The following GRK3 variants were observed in gnomAD, a reference collection of about 807,000 sequenced individuals.
GRK3 encodes the protein G protein-coupled receptor kinase 3.
A neutral mutation model predicts 95.7 loss-of-function variants in GRK3; 54 were observed. The ratio of observed to expected loss-of-function variants is 0.56; its 90% confidence interval spans 0.45 to 0.71. The LOEUF is 0.71. Among genes scored for constraint, GRK3 ranks in the 30% least tolerant of loss-of-function variants. The pLI is 0.00. For missense variants in GRK3, 649 were observed against 851.2 expected (o/e 0.76, Z 2.96); for synonymous variants, 281 against 290.8 (o/e 0.97, Z 0.34).
At chr22:25,565,185 A>G (rs1370891197) in intron 1 of GRK3, 32 bp downstream of exon 1, 7 of 1,261,402 alleles carry the variant, frequency 5.5e-6, no homozygotes, top group East Asian at 3.1e-5. Flanking sequence ...GCCGGCCCCA[A>G]GCCGCCGCCC....
chr22:25,711,329 G>C (rs1449795720), intron 17 of GRK3, among the ~76,000 whole-genome samples, 166 bp downstream of exon 17: 2 of 152,106 alleles, frequency 1.3e-5, no homozygotes, highest in Non-Finnish European at 2.9e-5. Flanking sequence ...CTAAATTAAA[G>C]GCTTTGAAAG....
At chr22:25,619,846 A>G (rs759467499) in intron 2 of GRK3, among the ~76,000 whole-genome samples, 5 of 151,934 alleles carry the variant, frequency 3.3e-5, no homozygotes, top group Admixed American at 1.3e-4. Flanking sequence ...TGGAACATCT[A>G]TGAAGTGGTT....
At chr22:25,696,591 A>G (rs2085210776) in intron 13 of GRK3, among the ~76,000 whole-genome samples, 1 of 152,186 alleles carries the variant, frequency 6.6e-6, no homozygotes, top group African/African-American at 2.4e-5. Flanking sequence ...TCCTTTTAAT[A>G]TTTTCATATG....
chr22:25,717,077 C>T (rs2085392417), intron 18 of GRK3, among the ~76,000 whole-genome samples: 1 of 152,186 alleles, frequency 6.6e-6, no homozygotes, highest in African/African-American at 2.4e-5. Context: ...GGTTCGGGAC[C>T]ACTGCTACAC....
chr22:25,718,766 C>T (rs374428338), intron 19 of GRK3, among the ~76,000 whole-genome samples: 10 of 152,326 alleles, frequency 6.6e-5, no homozygotes, highest in African/African-American at 2.4e-4. Flanking sequence ...CTCTCTCAGC[C>T]TCCGTTTTCT....
At chr22:25,650,758 TC>T (rs940330200) in intron 3 of GRK3, among the ~76,000 whole-genome samples, 26 of 152,342 alleles carry the variant, frequency 1.7e-4, no homozygotes, top group African/African-American at 6.0e-4. Context: ...AACTAATTTT[TC>T]TTACACACTA....
At chr22:25,695,323 A>T in intron 13 of GRK3, 109 bp downstream of exon 13, 1 of 751,972 alleles carries the variant, frequency 1.3e-6, no homozygotes, top group African/African-American at 1.7e-5. Flanking sequence ...TAAATCACAC[A>T]GTGATCTTTA....
intron 13 of GRK3, among the ~76,000 whole-genome samples, 163 bp downstream of exon 13, chr22:25,695,377 G>T (rs1384605211): frequency 6.6e-6 from 1 of 152,230 alleles, no homozygotes; most frequent in East Asian, 1.9e-4. Flanking sequence ...AAGAGTGAAA[G>T]CTGCTTCCCA....
At chr22:25,578,348 G>A (rs554585695) in intron 1 of GRK3, among the ~76,000 whole-genome samples, 21 of 152,206 alleles carry the variant, frequency 1.4e-4, no homozygotes, top group African/African-American at 4.3e-4. Context: ...AAACTCTGAG[G>A]CCAGAAGAAG....
chr22:25,660,751 G>A (rs898235431), intron 3 of GRK3, among the ~76,000 whole-genome samples: 1 of 152,044 alleles, frequency 6.6e-6, no homozygotes, highest in South Asian at 2.1e-4. Flanking sequence ...GTTTCCCTCC[G>A]AGCTTCATAT....
rs1055684142 is a variant in GRK3, at chr22:25,723,734, AG to A, written c.*1285del. The A allele has an allele frequency of 6.6e-6, 1 of 152,208 alleles. No individual in the cohort carries two copies. Among genetic ancestry groups the A allele is most frequent in the Admixed American group, 6.5e-5 (1 of 15,276 alleles). The allele number at this position is 152,208 out of a possible 1,614,324, so 9.4% of individuals were successfully genotyped here. On this transcript the variant is annotated 3_prime_UTR_variant, in exon 21 of 21. Coordinates refer to ENST00000324198, the MANE Select transcript of GRK3 (RefSeq NM_005160.4). ...TTTGTCCCATTCTTGGAGTAGTTTTAGTGTATGTCTTTACATTAACTACTAA... is the reference window on the plus strand; with the variant it reads ...TTTGTCCCATTCTTGGAGTAGTTTTATGTATGTCTTTACATTAACTACTAA...
At chr22:25,646,153 A>G (rs1027488783) in intron 3 of GRK3, among the ~76,000 whole-genome samples, 6 of 152,212 alleles carry the variant, frequency 3.9e-5, no homozygotes, top group Non-Finnish European at 7.3e-5. Context: ...AAGCAAGATC[A>G]TGTGAATCAT....
At chr22:25,572,722 A>C (rs1319826075) in intron 1 of GRK3, among the ~76,000 whole-genome samples, 1 of 152,208 alleles carries the variant, frequency 6.6e-6, no homozygotes, top group Non-Finnish European at 1.5e-5. Context: ...TAACCAGGCA[A>C]TTAGCAGAGT....
intron 6 of GRK3, 64 bp downstream of exon 6, chr22:25,667,864 C>A: frequency 1.1e-6 from 1 of 916,196 alleles, no homozygotes; most frequent in Non-Finnish European, 1.8e-6. Flanking sequence ...CATCTTATGC[C>A]GTAAATGCTG....
chr22:25,688,064 G>A (rs146490407), intron 11 of GRK3, among the ~76,000 whole-genome samples: 1,905 of 152,044 alleles, frequency 0.013, 22 homozygotes, highest in Non-Finnish European at 0.016. Flanking sequence ...GTGAAACCCC[G>A]TCTCTACTAA....
intron 2 of GRK3, among the ~76,000 whole-genome samples, chr22:25,604,944 T>C (rs1025795357): frequency 2.0e-5 from 3 of 152,234 alleles, no homozygotes; most frequent in Admixed American, 1.3e-4. Context: ...AATTCTGGGC[T>C]TGCCCTTTTG....
intron 17 of GRK3, among the ~76,000 whole-genome samples, chr22:25,711,405 T>C (rs1056401399): frequency 6.6e-6 from 1 of 152,132 alleles, no homozygotes; most frequent in African/African-American, 2.4e-5. Context: ...ATTTGGAATA[T>C]TTGTGATTGA....
intron 18 of GRK3, among the ~76,000 whole-genome samples, chr22:25,716,110 C>T (rs2085382327): frequency 6.6e-6 from 1 of 152,140 alleles, no homozygotes; most frequent in Admixed American, 6.5e-5. Context: ...CCTCAGCCTC[C>T]CAAGCAGCTG....
At chr22:25,712,981 T>C (rs1006977679) in intron 17 of GRK3, among the ~76,000 whole-genome samples, 1 of 152,198 alleles carries the variant, frequency 6.6e-6, no homozygotes, top group African/African-American at 2.4e-5. Flanking sequence ...AATAATACAT[T>C]TTCTTTAAAA....
Sources: allele counts gnomAD v4.1 joint callset (sites outside exome capture counted in the v4.1 genomes callset), GRCh38; gene constraint gnomAD v4.1.1; transcripts MANE v1.5; gene names NCBI Gene and HGNC (gene_info 2026-07-23, HGNC 2026-07-21).